Variants in ANXA11 observed in about 807,000 individuals in gnomAD.
ANXA11 encodes 56 kDa autoantigen.
In ANXA11, 57 loss-of-function variants were observed where a neutral mutation model predicts 64.7. That is an observed-to-expected ratio of 0.88 (90% CI 0.71 to 1.10). The LOEUF is 1.10. Among genes scored for constraint, ANXA11 ranks in the 50% least tolerant of loss-of-function variants. The probability of loss-of-function intolerance (pLI) is 0.00; values close to 1 mark genes in which losing one functional copy is unlikely to be tolerated. For missense variants in ANXA11, 675 were observed against 670.7 expected, an observed-to-expected ratio of 1.01 and a Z score of -0.07; for synonymous variants, 260 against 265.2, an observed-to-expected ratio of 0.98 and a Z score of 0.19.
intron 8 of ANXA11, 52 bp downstream of exon 8, chr10:80,166,032 A>C: frequency 2.1e-6 from 2 of 964,356 alleles, no homozygotes; most frequent in South Asian, 2.9e-5. Flanking sequence ...GCGCGTGCGC[A>C]CACACGCGCG....
chr10:80,181,402 C>G (rs898793022), intron 1 of ANXA11: 1 of 152,076 alleles, frequency 6.6e-6, no homozygotes, highest in Non-Finnish European at 1.5e-5. Flanking sequence ...GTGGAGGTTG[C>G]AGTGAGCCCA....
chr10:80,197,997 T>C (rs750851510), intron 1 of ANXA11, among the ~76,000 whole-genome samples: 7 of 152,014 alleles, frequency 4.6e-5, no homozygotes, highest in Admixed American at 1.3e-4. Context: ...CTGGAAGATC[T>C]GGTGGTGGCT....
chr10:80,151,242 C>T lies in ANXA11; in HGVS notation c.*4611G>A, dbSNP rs950084078. ...CTTAGTGTTGAGAAGGAGTCAGGCT[C>T]AAGCTAAACACCAATATTAGGCCAA... On this transcript the variant is annotated 3_prime_UTR_variant, in exon 16 of 16. Transcript: ENST00000422982. 1 of 152,154 alleles carries T rather than the reference C, an allele frequency of 6.6e-6. No individual in the cohort carries two copies. Among genetic ancestry groups the T allele is most frequent in the African/African-American group, 2.4e-5 (1 of 41,422 alleles). 9.4% of individuals were successfully genotyped at this position (152,154 alleles called of 1,614,324 possible).
At chr10:80,157,538 C>T (rs1589412633) in intron 15 of ANXA11, 103 bp downstream of exon 15, 1 of 1,520,666 alleles carries the variant, frequency 6.6e-7, no homozygotes, top group Admixed American at 2.1e-5. Flanking sequence ...AAGATGCCCA[C>T]ACACAGCACA....
intron 1 of ANXA11, among the ~76,000 whole-genome samples, chr10:80,188,511 A>ATATAT (rs1554834982): frequency 4.0e-5 from 5 of 126,538 alleles, no homozygotes; most frequent in South Asian, 2.4e-4. Context: ...ATATATATAT[A>ATATAT]GCACTACAAC....
intron 1 of ANXA11, among the ~76,000 whole-genome samples, chr10:80,197,923 C>CAAA (rs532001963): frequency 1.4e-5 from 2 of 142,236 alleles, no homozygotes; most frequent in Admixed American, 6.9e-5. Flanking sequence ...GACTCCGTCT[C>CAAA]AAAAAAAAAA....
intron 1 of ANXA11, among the ~76,000 whole-genome samples, chr10:80,189,513 C>G (rs1456259304): frequency 6.6e-6 from 1 of 152,210 alleles, no homozygotes; most frequent in African/African-American, 2.4e-5. Context: ...TACGATCCAG[C>G]AATCTCACTC....
chr10:80,156,791 A>T (rs1276664018), intron 15 of ANXA11, among the ~76,000 whole-genome samples: 1 of 152,214 alleles, frequency 6.6e-6, no homozygotes, highest in Non-Finnish European at 1.5e-5. Flanking sequence ...GGCGTGAGCC[A>T]CTGTGCCCAG....
intron 1 of ANXA11, among the ~76,000 whole-genome samples, chr10:80,178,198 T>C (rs1838838791): frequency 6.8e-6 from 1 of 147,534 alleles, no homozygotes; most frequent in African/African-American, 2.6e-5. Flanking sequence ...TGAGCTATAA[T>C]CCAGAAGATC....
intron 9 of ANXA11, among the ~76,000 whole-genome samples, 169 bp downstream of exon 9, chr10:80,163,883 AG>A (rs942194826): frequency 6.6e-6 from 1 of 152,188 alleles, no homozygotes; most frequent in African/African-American, 2.4e-5. Flanking sequence ...TATAAACAGA[AG>A]GAAGGGCTGG....
At chr10:80,167,984 G>T (rs1053348686) in intron 5 of ANXA11, among the ~76,000 whole-genome samples, 8 of 152,170 alleles carry the variant, frequency 5.3e-5, no homozygotes, top group Non-Finnish European at 8.8e-5. Context: ...GAAAAGATAA[G>T]GGAGGGAGGC....
At chr10:80,160,340 G>A (rs1362723725) in intron 12 of ANXA11, among the ~76,000 whole-genome samples, 1 of 152,126 alleles carries the variant, frequency 6.6e-6, no homozygotes, top group Admixed American at 6.5e-5. Flanking sequence ...CTCTGGGGTC[G>A]GGTGGTCTGG....
rs1845609443 is a variant in ANXA11 at position 80,163,608 on chromosome 10, T to G, written c.955A>C (p.Lys319Gln). 6.4e-7 allele frequency: 1 copy of G among 1,553,032 alleles called. No individual in the cohort carries two copies. Among genetic ancestry groups the G allele is most frequent in the Admixed American group, 1.9e-5 (1 of 51,442 alleles). Reference protein sequence around the residue: ...ELNRAYKAEFKKTLEEAIRSD... With the variant: ...ELNRAYKAEFQKTLEEAIRSD... Reference sequence around the variant, plus strand: ...CGAATGGCCTCTTCCAGGGTCTTTTTGAATTCTGAAAGGGAGAAGCAAGGA... The same window carrying G: ...CGAATGGCCTCTTCCAGGGTCTTTTGGAATTCTGAAAGGGAGAAGCAAGGA... The change falls in exon 10 of 16, where the codon AAA becomes CAA. Residue 319 changes from lysine (K) to glutamine (Q), a missense_variant. Transcript: ENST00000422982.
intron 1 of ANXA11, among the ~76,000 whole-genome samples, chr10:80,182,817 G>A (rs1394484360): frequency 3.3e-5 from 5 of 152,160 alleles, no homozygotes; most frequent in African/African-American, 7.2e-5. Flanking sequence ...AGGTGATAAT[G>A]TGATATAAGA....
chr10:80,151,064 C>G lies in ANXA11; in HGVS notation c.*4789G>C, dbSNP rs954347919. The G allele has an allele frequency of 6.6e-6, 1 of 152,156 alleles. No individual in the cohort carries two copies. The highest frequency in any genetic ancestry group is 6.5e-5 in the Admixed American group (1 of 15,278). 9.4% of individuals were successfully genotyped at this position (152,156 alleles called of 1,614,324 possible). On this transcript the variant is annotated 3_prime_UTR_variant, in exon 16 of 16. Coordinates refer to ENST00000422982, the MANE Select transcript of ANXA11 (RefSeq NM_145868.2). ...GTTGACCACATTAAAGTTTTAGAAG[C>G]TCTCCTCTAGTCTACCCTTCATTTT...
At chr10:80,187,281 T>C (rs1189855449) in intron 1 of ANXA11, among the ~76,000 whole-genome samples, 4 of 152,206 alleles carry the variant, frequency 2.6e-5, no homozygotes, top group East Asian at 3.8e-4. Flanking sequence ...ATGGGATTCA[T>C]GGCCTTATAA....
intron 1 of ANXA11, among the ~76,000 whole-genome samples, chr10:80,179,579 G>A (rs943882975): frequency 5.3e-5 from 8 of 152,220 alleles, no homozygotes; most frequent in Admixed American, 2.6e-4. Context: ...TACCCAGAAC[G>A]ACCCTATAGT....
rs1296045024 is a variant in ANXA11, at chr10:80,152,364, T to C, written c.*3489A>G. On this transcript the variant is annotated 3_prime_UTR_variant, in exon 16 of 16. Coordinates refer to ENST00000422982, the MANE Select transcript of ANXA11 (RefSeq NM_145868.2). ...GGAAGGCAGTAGGTGCCTTTGCCTCTGGGAAGATCATGAGGCATTCATGCA... is the reference window on the plus strand; with the variant it reads ...GGAAGGCAGTAGGTGCCTTTGCCTCCGGGAAGATCATGAGGCATTCATGCA... 1 of 152,230 alleles carries C rather than the reference T, an allele frequency of 6.6e-6. No homozygotes were observed. Among genetic ancestry groups the C allele is most frequent in the Non-Finnish European group, 1.5e-5 (1 of 68,066 alleles). The allele number at this position is 152,230 out of a possible 1,614,324, so 9.4% of individuals were successfully genotyped here. A position where few individuals can be genotyped will look rare whatever the true frequency, so the allele number is the denominator to read the frequency against.
intron 1 of ANXA11, among the ~76,000 whole-genome samples, chr10:80,184,002 G>A (rs1017350896): frequency 9.2e-5 from 14 of 152,122 alleles, no homozygotes; most frequent in Admixed American, 4.6e-4. Context: ...TCACAGAGGC[G>A]GTGATTAATA....
Sources: allele counts gnomAD v4.1 joint callset (sites outside exome capture counted in the v4.1 genomes callset), GRCh38; gene constraint gnomAD v4.1.1; transcripts MANE v1.5; gene names NCBI Gene and HGNC (gene_info 2026-07-23, HGNC 2026-07-21).